The following CTNNA2 variants were observed in gnomAD, a reference collection of about 807,000 sequenced individuals.
CTNNA2 encodes catenin alpha-2.
Under a neutral mutation model 101.0 loss-of-function variants are expected in CTNNA2, and 42 were observed. The observed-to-expected ratio is 0.42, with a 90% CI of 0.32 to 0.54. The LOEUF (loss-of-function observed/expected upper bound fraction) is 0.54. Among genes scored for constraint, CTNNA2 ranks in the 20% least tolerant of loss-of-function variants. The pLI, the probability that CTNNA2 is intolerant of heterozygous loss-of-function variation, is 0.14. For missense variants in CTNNA2, 871 were observed against 1,223.1 expected, an observed-to-expected ratio of 0.71 and a Z score of 4.29; for synonymous variants, 450 against 456.4, an observed-to-expected ratio of 0.99 and a Z score of 0.18.
intron 9 of CTNNA2, among the ~76,000 whole-genome samples, chr2:80,526,224 G>A (rs1690018727): frequency 6.6e-6 from 1 of 151,860 alleles, no homozygotes; most frequent in African/African-American, 2.4e-5. Context: ...TTTTGAGACA[G>A]AGTCTGGCTC....
chr2:79,876,583 G>C (rs80302744), intron 6 of CTNNA2, among the ~76,000 whole-genome samples: 2 of 152,136 alleles, frequency 1.3e-5, no homozygotes, highest in Non-Finnish European at 2.9e-5. Context: ...GAAGGCCTGT[G>C]AACAGTCCAG....
intron 7 of CTNNA2, among the ~76,000 whole-genome samples, chr2:79,953,442 C>G (rs116162310): frequency 0.013 from 2,040 of 152,286 alleles, 54 homozygotes; most frequent in African/African-American, 0.047. Context: ...CTTGGACTCC[C>G]CCACTTTCCC....
At chr2:79,233,151 A>G (rs1373518836) in intron 2 of CTNNA2, among the ~76,000 whole-genome samples, 1 of 152,026 alleles carries the variant, frequency 6.6e-6, no homozygotes, top group Non-Finnish European at 1.5e-5. Context: ...GCTTTTAAGT[A>G]GTTAATTTGA....
intron 7 of CTNNA2, among the ~76,000 whole-genome samples, chr2:80,219,253 C>T (rs933902807): frequency 2.6e-5 from 4 of 152,168 alleles, no homozygotes; most frequent in African/African-American, 4.8e-5. Context: ...GTGCAATAAA[C>T]TTTGTTCAGT....
rs546629769 is a variant in CTNNA2, at chr2:79,750,757, G to A, written c.298+6175G>A. ...GTTGTGGCAGGCACCTGTAGTCCCAGCTACTTGGGGAGGCTGAGGCAGGAG... is the reference window on the plus strand; with the variant it reads ...GTTGTGGCAGGCACCTGTAGTCCCAACTACTTGGGGAGGCTGAGGCAGGAG... On this transcript the variant is annotated intron_variant, in intron 3 of 18. Coordinates refer to ENST00000402739, the MANE Select transcript of CTNNA2 (RefSeq NM_001282597.3). Among the ~76,000 whole-genome samples, 16 of 152,026 alleles carry A rather than the reference G, an allele frequency of 1.1e-4. No homozygotes were observed. In the East Asian group the frequency reaches 2.5e-3, roughly 24 times the overall value.
chr2:80,323,465 C>G (rs1164861421), intron 7 of CTNNA2, among the ~76,000 whole-genome samples: 2 of 151,930 alleles, frequency 1.3e-5, no homozygotes, highest in African/African-American at 4.8e-5. Flanking sequence ...CATGTATTTT[C>G]CTCCCTCCCC....
intron 2 of CTNNA2, among the ~76,000 whole-genome samples, chr2:79,742,112 C>A (rs756036297): frequency 6.6e-6 from 1 of 152,148 alleles, no homozygotes; most frequent in Non-Finnish European, 1.5e-5. Flanking sequence ...TTCCCCCCCA[C>A]AAAACTGACA....
At chr2:80,626,681 G>A (rs1558656694) in intron 18 of CTNNA2, among the ~76,000 whole-genome samples, 2 of 151,990 alleles carry the variant, frequency 1.3e-5, no homozygotes, top group African/African-American at 4.8e-5. Flanking sequence ...TTCGAAGTAA[G>A]CAAGAATTTG....
At chr2:80,149,139 TCTC>T (rs899623331) in intron 7 of CTNNA2, among the ~76,000 whole-genome samples, 3 of 151,720 alleles carry the variant, frequency 2.0e-5, no homozygotes, top group African/African-American at 7.3e-5. Context: ...CTTAAGGAAT[TCTC>T]CTGACTCAAC....
intron 7 of CTNNA2, among the ~76,000 whole-genome samples, chr2:80,342,514 C>G (rs137954018): frequency 6.6e-6 from 1 of 152,212 alleles, no homozygotes; most frequent in Non-Finnish European, 1.5e-5. Context: ...CTGAAATTAA[C>G]ATACAAATTA....
intron 9 of CTNNA2, among the ~76,000 whole-genome samples, chr2:80,512,894 C>A (rs1182540512): frequency 6.6e-6 from 1 of 151,886 alleles, no homozygotes; most frequent in East Asian, 1.9e-4. Context: ...AATCTTTAAG[C>A]TTTTTTGGCA....
At chr2:80,524,927 C>T (rs1187038597) in intron 9 of CTNNA2, among the ~76,000 whole-genome samples, 1 of 152,110 alleles carries the variant, frequency 6.6e-6, no homozygotes, top group East Asian at 1.9e-4. Context: ...GCCACCCCCA[C>T]CTCATACTTT....
In CTNNA2 at chr2:79,915,394, CTCT is replaced by C. The variant is rs767843768; in HGVS notation, c.1056+5599_1056+5601del. 7.2e-5 allele frequency among the ~76,000 whole-genome samples: 11 copies of C among 152,174 alleles called. No homozygotes were observed. The East Asian group carries it at 1.9e-3, about 27-fold the overall frequency. ...TGTAAATGCTGTTTTGCAATCTATT[CTCT>C]TTACTCAATATATTGTGAATATGTT... On this transcript the variant is annotated intron_variant, in intron 7 of 18. Transcript: ENST00000402739.
At chr2:80,385,641 C>T (rs2149355498) in intron 7 of CTNNA2, among the ~76,000 whole-genome samples, 1 of 152,196 alleles carries the variant, frequency 6.6e-6, no homozygotes, top group South Asian at 2.1e-4. Flanking sequence ...TTCTTCTTCC[C>T]TTAAATTTCT....
At chr2:79,638,391 T>C (rs1205835311) in intron 1 of CTNNA2, among the ~76,000 whole-genome samples, 1 of 152,222 alleles carries the variant, frequency 6.6e-6, no homozygotes, top group African/African-American at 2.4e-5. Flanking sequence ...TGATTTTCTG[T>C]ATCAAAAGCT....
intron 2 of CTNNA2, among the ~76,000 whole-genome samples, chr2:79,285,154 A>G (rs1332474279): frequency 2.0e-5 from 3 of 150,400 alleles, no homozygotes; most frequent in Non-Finnish European, 3.0e-5. Context: ...TTTTTTCTTT[A>G]TTAGTCTTGC....
chr2:80,023,722 C>A (rs1211645208), intron 7 of CTNNA2, among the ~76,000 whole-genome samples: 2 of 152,176 alleles, frequency 1.3e-5, no homozygotes, highest in Non-Finnish European at 2.9e-5. Context: ...GTGTATTGAT[C>A]TCCTACTATG....
chr2:79,605,037 G>A (rs1036531999), intron 1 of CTNNA2, among the ~76,000 whole-genome samples: 3 of 152,110 alleles, frequency 2.0e-5, no homozygotes, highest in Non-Finnish European at 4.4e-5. Flanking sequence ...AGGACACAAA[G>A]CAATCAATCA....
At chr2:80,141,096 G>A (rs1702978518) in intron 7 of CTNNA2, among the ~76,000 whole-genome samples, 2 of 151,868 alleles carry the variant, frequency 1.3e-5, no homozygotes, top group South Asian at 2.1e-4. Context: ...TTAGAATGTA[G>A]AATACCAGTG....
Sources: gnomAD v4.1 joint callset for allele counts (sites outside exome capture counted in the v4.1 genomes callset) on GRCh38, gnomAD v4.1.1 for gene constraint, MANE v1.5 for transcripts, NCBI Gene and HGNC (gene_info 2026-07-23, HGNC 2026-07-21) for gene names.